Variants in PTPRT observed in about 807,000 individuals in gnomAD.
The protein encoded by PTPRT is receptor-type tyrosine-protein phosphatase T.
Under a neutral mutation model 176.8 loss-of-function variants are expected in PTPRT, and 56 were observed. That is an observed-to-expected ratio of 0.32 (90% CI 0.26 to 0.40). The LOEUF is 0.40. Among genes scored for constraint, PTPRT ranks in the 10% least tolerant of loss-of-function variants. The probability of loss-of-function intolerance (pLI) is 1.00; values close to 1 mark genes in which losing one functional copy is unlikely to be tolerated. For synonymous variants in PTPRT, 783 were observed against 739.0 expected (o/e 1.06, Z -0.96); for missense variants, 1,540 against 1,908.2 (o/e 0.81, Z 3.60).
At chr20:42,861,330 T>C (rs2078656613) in intron 2 of PTPRT, among the ~76,000 whole-genome samples, 1 of 152,206 alleles carries the variant, frequency 6.6e-6, no homozygotes, top group African/African-American at 2.4e-5. Context: ...AAATCATTCA[T>C]CTCTCACATG....
intron 29 of PTPRT, among the ~76,000 whole-genome samples, chr20:42,082,905 T>G (rs1983481677): frequency 6.6e-6 from 1 of 152,216 alleles, no homozygotes; most frequent in East Asian, 1.9e-4. Context: ...CCCAGATGTT[T>G]TATCTACAGG....
intron 11 of PTPRT, among the ~76,000 whole-genome samples, chr20:42,331,763 G>A (rs1372353324): frequency 6.6e-6 from 1 of 152,056 alleles, no homozygotes; most frequent in Non-Finnish European, 1.5e-5. Context: ...TGAGGCTTGG[G>A]AATGCAAATT....
At chr20:42,938,684 G>T (rs954813872) in intron 1 of PTPRT, among the ~76,000 whole-genome samples, 1 of 152,070 alleles carries the variant, frequency 6.6e-6, no homozygotes, top group South Asian at 2.1e-4. Flanking sequence ...TCCCCCCCAT[G>T]CTTGCTAGAG....
At chr20:42,365,644 C>T (rs886668455) in intron 9 of PTPRT, among the ~76,000 whole-genome samples, 5 of 151,544 alleles carry the variant, frequency 3.3e-5, no homozygotes, top group Admixed American at 6.6e-5. Context: ...CTCACACTGA[C>T]GATAGCTGAT....
At chr20:42,893,207 A>G (rs185064243) in intron 1 of PTPRT, among the ~76,000 whole-genome samples, 5 of 152,362 alleles carry the variant, frequency 3.3e-5, no homozygotes, top group Admixed American at 3.3e-4. Flanking sequence ...AAAGGATATG[A>G]ACAGACACTT....
intron 15 of PTPRT, among the ~76,000 whole-genome samples, chr20:42,218,897 TG>T (rs1458098427): frequency 6.6e-6 from 1 of 152,198 alleles, no homozygotes; most frequent in Non-Finnish European, 1.5e-5. Context: ...TGTGTTACTT[TG>T]GCTGTAAGAG....
In PTPRT at chr20:42,323,960, T is replaced by C. The variant is rs887686503; in HGVS notation, c.1866-7964A>G. 3.3e-5 allele frequency among the ~76,000 whole-genome samples: 5 copies of C among 152,136 alleles called. No homozygotes were observed. The South Asian group carries it at 8.3e-4, about 25-fold the overall frequency. ...ACAGTCACTCTGGGACACAGTCTGG[T>C]AGTTCCTTAAAAAGGTAAACATAAA... On this transcript the variant is annotated intron_variant, in intron 11 of 30. Coordinates refer to ENST00000373187, the MANE Select transcript of PTPRT (RefSeq NM_007050.6).
At chr20:42,448,568 G>A (rs1210592704) in intron 8 of PTPRT, among the ~76,000 whole-genome samples, 3 of 152,154 alleles carry the variant, frequency 2.0e-5, no homozygotes, top group African/African-American at 7.2e-5. Context: ...CTTTATTTAT[G>A]AAAACAGGCA....
At chr20:42,451,472 C>T (rs930744567) in intron 8 of PTPRT, among the ~76,000 whole-genome samples, 1 of 151,526 alleles carries the variant, frequency 6.6e-6, no homozygotes, top group African/African-American at 2.4e-5. Context: ...AAATGGAAAC[C>T]GTAGGCAGGG....
At chr20:42,605,636 T>C (rs930625110) in intron 7 of PTPRT, among the ~76,000 whole-genome samples, 1 of 152,052 alleles carries the variant, frequency 6.6e-6, no homozygotes, top group Non-Finnish European at 1.5e-5. Flanking sequence ...TTGATTTAAG[T>C]GGTTGTGGCT....
chr20:42,748,820 C>T (rs1285641137), intron 6 of PTPRT, among the ~76,000 whole-genome samples: 1 of 151,970 alleles, frequency 6.6e-6, no homozygotes, highest in African/African-American at 2.4e-5. Flanking sequence ...TAACCCCCTC[C>T]TCCACACCCC....
intron 7 of PTPRT, among the ~76,000 whole-genome samples, chr20:42,514,310 A>G (rs2072019331): frequency 6.6e-6 from 1 of 152,204 alleles, no homozygotes. Context: ...AACATTTCTT[A>G]CATATGGGAT....
chr20:42,650,169 C>A (rs2425502), intron 7 of PTPRT, among the ~76,000 whole-genome samples: 107,470 of 152,048 alleles, frequency 0.71, 38,241 homozygotes, highest in East Asian at 0.84. Flanking sequence ...CACTTGGCTC[C>A]TTTTTTACAG....
chr20:42,570,957 G>A (rs1226014874), intron 7 of PTPRT, among the ~76,000 whole-genome samples: 2 of 151,712 alleles, frequency 1.3e-5, no homozygotes, highest in African/African-American at 4.8e-5. Flanking sequence ...TTTATCGGGG[G>A]TGGGGGTGGG....
chr20:43,151,543 C>T (rs1258286941), intron 1 of PTPRT, among the ~76,000 whole-genome samples: 4 of 151,948 alleles, frequency 2.6e-5, no homozygotes, highest in Non-Finnish European at 5.9e-5. Flanking sequence ...AGTTACTTCC[C>T]TCCATAGGTA....
At chr20:42,696,462 T>TATTTA (rs1569091327) in intron 6 of PTPRT, among the ~76,000 whole-genome samples, 2 of 150,464 alleles carry the variant, frequency 1.3e-5, no homozygotes, top group East Asian at 3.9e-4. Context: ...TGAATTATTT[T>TATTTA]TTTTTTTTTT....
chr20:43,077,687 T>C (rs1012511070), intron 1 of PTPRT, among the ~76,000 whole-genome samples: 3 of 152,022 alleles, frequency 2.0e-5, no homozygotes, highest in African/African-American at 7.2e-5. Context: ...TTCCCAATCA[T>C]CCCTGGGTAT....
At chr20:42,462,967 A>G (rs1165876136) in intron 8 of PTPRT, among the ~76,000 whole-genome samples, 3 of 152,084 alleles carry the variant, frequency 2.0e-5, no homozygotes, top group Non-Finnish European at 4.4e-5. Context: ...AAACTCTTCT[A>G]TTTCCAAGGC....
intron 7 of PTPRT, among the ~76,000 whole-genome samples, chr20:42,553,458 C>T (rs2072803788): frequency 6.6e-6 from 1 of 152,018 alleles, no homozygotes; most frequent in Non-Finnish European, 1.5e-5. Flanking sequence ...TCCTCTCATG[C>T]ATGCTGTCTT....
Sources: allele counts gnomAD v4.1 joint callset (sites outside exome capture counted in the v4.1 genomes callset), GRCh38; gene constraint gnomAD v4.1.1; transcripts MANE v1.5; gene names NCBI Gene and HGNC (gene_info 2026-07-23, HGNC 2026-07-21).